The following EMP2 variants were observed in gnomAD, a reference collection of about 807,000 sequenced individuals.
The protein encoded by EMP2 is epithelial membrane protein 2.
Under a neutral mutation model 13.7 loss-of-function variants are expected in EMP2, and 19 were observed. That is an observed-to-expected ratio of 1.38 (90% CI 0.97 to 2.03). The LOEUF is 2.03. Ranked by LOEUF, EMP2 falls within the 30% of genes most tolerant of loss-of-function variation. The pLI is 0.00. For synonymous variants in EMP2, 97 were observed against 84.7 expected (o/e 1.15, Z -0.80); for missense variants, 253 against 220.7 (o/e 1.15, Z -0.93).
chr16:10,543,498 CCCGAAGCCTCACT>C, intron 3 of EMP2, 59 bp downstream of exon 3: 1 of 1,548,306 alleles, frequency 6.5e-7, no homozygotes, highest in South Asian at 1.1e-5. Flanking sequence ...AGTCGGGGAA[CCCGAAGCCTCACT>C]CCTGACCGTT....
chr16:10,566,034 C>T (rs1173988853), intron 1 of EMP2, among the ~76,000 whole-genome samples: 1 of 152,192 alleles, frequency 6.6e-6, no homozygotes, highest in African/African-American at 2.4e-5. Context: ...ACACCACCCC[C>T]AGCCTCTGCC....
At chr16:10,534,429 C>T (rs1298301486) in intron 4 of EMP2, among the ~76,000 whole-genome samples, 1 of 152,188 alleles carries the variant, frequency 6.6e-6, no homozygotes, top group African/African-American at 2.4e-5. Flanking sequence ...ACAGTTAATT[C>T]GATTTTCTCT....
chr16:10,537,478 A>G (rs2050656167), intron 4 of EMP2, among the ~76,000 whole-genome samples: 1 of 152,122 alleles, frequency 6.6e-6, no homozygotes, highest in South Asian at 2.1e-4. Context: ...GCAAGACTCC[A>G]TGGGGCGTGG....
chr16:10,549,213 G>T (rs567496820), intron 1 of EMP2, among the ~76,000 whole-genome samples: 1 of 152,276 alleles, frequency 6.6e-6, no homozygotes, highest in East Asian at 1.9e-4. Context: ...CAGTTTGAGT[G>T]ACATACAAGA....
At chr16:10,567,237 T>C (rs952230575) in intron 1 of EMP2, among the ~76,000 whole-genome samples, 1 of 152,182 alleles carries the variant, frequency 6.6e-6, no homozygotes, top group African/African-American at 2.4e-5. Context: ...CCCAGCACAG[T>C]GCCTGGTCCA....
At chr16:10,571,567 A>G (rs992435767) in intron 1 of EMP2, among the ~76,000 whole-genome samples, 1 of 152,214 alleles carries the variant, frequency 6.6e-6, no homozygotes, top group East Asian at 1.9e-4. Flanking sequence ...GCTTAGGAGC[A>G]GTTGAAACTA....
intron 2 of EMP2, 91 bp from the exon 3 acceptor site, chr16:10,543,751 A>C (rs60094967): frequency 8.1e-7 from 1 of 1,235,374 alleles, no homozygotes; most frequent in Non-Finnish European, 1.2e-6. Context: ...GTGGGCTTCC[A>C]GGATTCTCAA....
rs2050585069 is a variant in EMP2, at chr16:10,529,945, A to AAG, written c.*2959_*2960insCT. 2 of 151,442 alleles carry AAG rather than the reference A, an allele frequency of 1.3e-5. No homozygotes were observed. The highest frequency in any genetic ancestry group is 4.9e-5 in the African/African-American group (2 of 41,156). 9.4% of individuals were successfully genotyped at this position (151,442 alleles called of 1,614,324 possible). Reference sequence around the variant, plus strand: ...AAACTCAGTCTCAAAAAAAAAAAAAAAAAAGAAAAAGAAAAAAGAAAATTA... The same window carrying AAG: ...AAACTCAGTCTCAAAAAAAAAAAAAAAGAAAAGAAAAAGAAAAAAGAAAATTA... On this transcript the variant is annotated 3_prime_UTR_variant, in exon 5 of 5. Coordinates refer to ENST00000359543, the MANE Select transcript of EMP2 (RefSeq NM_001424.6).
At position 10,547,481 on chromosome 16, in the gene EMP2, C is replaced by A. The variant is rs538973715; in HGVS notation, c.78+59G>T. ...CAGCATGAGAACAGACCAATACAACCCACTTCTATTGACTGCAGGACCCAG... is the reference window on the plus strand; with the variant it reads ...CAGCATGAGAACAGACCAATACAACACACTTCTATTGACTGCAGGACCCAG... On this transcript the variant is annotated intron_variant, in intron 2 of 4. Coordinates refer to ENST00000359543, the MANE Select transcript of EMP2 (RefSeq NM_001424.6). The A allele has an allele frequency of 2.2e-4, 337 of 1,563,042 alleles. 1 individual carries two copies. The highest frequency in any genetic ancestry group is 2.5e-4 in the Non-Finnish European group (281 of 1,136,302).
At chr16:10,579,517 C>T (rs2051008457) in intron 1 of EMP2, among the ~76,000 whole-genome samples, 1 of 152,106 alleles carries the variant, frequency 6.6e-6, no homozygotes, top group Non-Finnish European at 1.5e-5. Flanking sequence ...AAAACTCTGT[C>T]CCATTAAACA....
chr16:10,543,989 A>G (rs2050720657), intron 2 of EMP2, among the ~76,000 whole-genome samples: 2 of 152,044 alleles, frequency 1.3e-5, no homozygotes, highest in South Asian at 4.2e-4. Context: ...CCTCCTGAGT[A>G]TCTGGGACTA....
intron 4 of EMP2, among the ~76,000 whole-genome samples, chr16:10,535,846 G>C (rs376421434): frequency 6.6e-5 from 10 of 152,282 alleles, no homozygotes; most frequent in African/African-American, 2.4e-4. Flanking sequence ...CCTCGCCCAG[G>C]GTCCTTGGGA....
intron 1 of EMP2, among the ~76,000 whole-genome samples, chr16:10,562,615 T>G (rs949751984): frequency 8.5e-5 from 13 of 152,126 alleles, no homozygotes; most frequent in Admixed American, 5.9e-4. Flanking sequence ...TCCCCATCTA[T>G]AGAATCATGA....
chr16:10,575,062 A>G (rs4566165), intron 1 of EMP2, among the ~76,000 whole-genome samples: 61,509 of 151,068 alleles, frequency 0.41, 14,134 homozygotes, highest in South Asian at 0.52. Flanking sequence ...ACCTCTGCCT[A>G]CTCTCTCACT....
At chr16:10,553,728 G>A (rs1270140047) in intron 1 of EMP2, among the ~76,000 whole-genome samples, 1 of 152,204 alleles carries the variant, frequency 6.6e-6, no homozygotes, top group Admixed American at 6.5e-5. Context: ...TTTGTTGTGC[G>A]GCTACACCAC....
At chr16:10,533,329 C>T (rs376540419) in intron 4 of EMP2, among the ~76,000 whole-genome samples, 3 of 152,146 alleles carry the variant, frequency 2.0e-5, no homozygotes, top group East Asian at 1.9e-4. Flanking sequence ...TGAGCCACCG[C>T]GTGCAGCCTT....
intron 4 of EMP2, among the ~76,000 whole-genome samples, chr16:10,536,657 A>T (rs933336527): frequency 7.2e-5 from 11 of 152,174 alleles, no homozygotes. Flanking sequence ...TAGCAGCTTG[A>T]GAATGGACTA....
At chr16:10,578,271 G>A (rs2354423) in intron 1 of EMP2, 2 of 151,896 alleles carry the variant, frequency 1.3e-5, no homozygotes, top group East Asian at 1.9e-4. Context: ...TACCTGTTGC[G>A]GGAAATTGGG....
intron 1 of EMP2, among the ~76,000 whole-genome samples, chr16:10,562,338 CT>C (rs2050877307): frequency 6.3e-5 from 2 of 31,616 alleles, no homozygotes; most frequent in African/African-American, 1.5e-4. Context: ...CATGCATGTT[CT>C]CTCTCTCTCT....
Sources: allele counts gnomAD v4.1 joint callset (sites outside exome capture counted in the v4.1 genomes callset), GRCh38; gene constraint gnomAD v4.1.1; transcripts MANE v1.5; gene names NCBI Gene and HGNC (gene_info 2026-07-23, HGNC 2026-07-21).